Variants in PDE11A observed in about 807,000 individuals in gnomAD.
PDE11A encodes dual 3',5'-cyclic-AMP and -GMP phosphodiesterase 11A.
PDE11A carries 100 observed loss-of-function variants against 100.5 expected under a neutral mutation model. The observed-to-expected ratio is 1.00, with a 90% CI of 0.85 to 1.18. The LOEUF (loss-of-function observed/expected upper bound fraction) is 1.18, where lower values mean the gene tolerates loss of function less well. Ranked by LOEUF, PDE11A falls within the 50% of genes most tolerant of loss-of-function variation. The probability of loss-of-function intolerance (pLI) is 0.00; values close to 1 mark genes in which losing one functional copy is unlikely to be tolerated. For missense variants in PDE11A, 1,141 were observed against 1,152.6 expected (o/e 0.99, Z 0.15); for synonymous variants, 381 against 420.8 (o/e 0.91, Z 1.16).
intron 2 of PDE11A, among the ~76,000 whole-genome samples, chr2:177,915,170 C>A (rs746266136): frequency 3.3e-5 from 5 of 152,168 alleles, no homozygotes; most frequent in African/African-American, 7.2e-5. Flanking sequence ...ACATTTGTTA[C>A]AACTGATGAG....
intron 2 of PDE11A, among the ~76,000 whole-genome samples, chr2:177,908,675 G>A (rs556102924): frequency 1.3e-4 from 20 of 152,270 alleles, no homozygotes; most frequent in African/African-American, 3.6e-4. Context: ...CAGCTATAGC[G>A]TGGAAAATGA....
intron 19 of PDE11A, among the ~76,000 whole-genome samples, chr2:177,662,303 T>C (rs2080495666): frequency 6.6e-6 from 1 of 152,174 alleles, no homozygotes; most frequent in African/African-American, 2.4e-5. Flanking sequence ...AAAATAGCTT[T>C]GCAAACTAGT....
chr2:177,733,805 T>C (rs1044849099), intron 10 of PDE11A, among the ~76,000 whole-genome samples: 2 of 152,260 alleles, frequency 1.3e-5, no homozygotes, highest in African/African-American at 4.8e-5. Context: ...TGCCAGATAC[T>C]GTTTTAGTGT....
At chr2:177,754,297 T>C (rs2082062125) in intron 10 of PDE11A, among the ~76,000 whole-genome samples, 1 of 152,158 alleles carries the variant, frequency 6.6e-6, no homozygotes, top group Admixed American at 6.5e-5. Flanking sequence ...TCCCTGAGTC[T>C]ACATTCAGGC....
chr2:178,048,365 T>G (rs2086779753), intron 1 of PDE11A, among the ~76,000 whole-genome samples: 1 of 151,732 alleles, frequency 6.6e-6, no homozygotes, highest in African/African-American at 2.4e-5. Flanking sequence ...AAAGAAAGAG[T>G]TCTCTCAATG....
At position 177,629,365 on chromosome 2, in the gene PDE11A, T is replaced by C; in HGVS notation, c.*42A>G. On this transcript the variant is annotated 3_prime_UTR_variant, in exon 20 of 20. Coordinates refer to ENST00000286063, the MANE Select transcript of PDE11A (RefSeq NM_016953.4). Reference sequence around the variant, plus strand: ...GACATTGCTGGACTGAAAATGGCCCTTCAGGCTGTAGTCATTTTGCAGCTG... The same window carrying C: ...GACATTGCTGGACTGAAAATGGCCCCTCAGGCTGTAGTCATTTTGCAGCTG... 2 of 1,589,594 alleles carry C rather than the reference T, an allele frequency of 1.3e-6. No individual in the cohort carries two copies. Among genetic ancestry groups the C allele is most frequent in the Non-Finnish European group, 1.7e-6 (2 of 1,158,786 alleles).
Position 178,054,090 on chromosome 2 carries a change from G to A in PDE11A, c.912+17436C>T, listed in dbSNP as rs145454156. On this transcript the variant is annotated intron_variant, in intron 1 of 19. Coordinates refer to ENST00000286063, the MANE Select transcript of PDE11A (RefSeq NM_016953.4). ...CCAAAAGAACAAAGCTGGAGGCGTC[G>A]CGCTACTGTACTACAAGGCTACAGG... 9.6e-3 allele frequency among the ~76,000 whole-genome samples: 1,442 copies of A among 150,258 alleles called. 28 individuals carry two copies. The highest frequency in any genetic ancestry group is 0.034 in the African/African-American group (1,384 of 41,254).
chr2:177,823,878 T>C (rs2083185207), intron 6 of PDE11A, among the ~76,000 whole-genome samples: 1 of 152,134 alleles, frequency 6.6e-6, no homozygotes, highest in African/African-American at 2.4e-5. Context: ...CAATTGTCTC[T>C]GCCAACTCTG....
At chr2:177,675,836 G>T (rs2080765148) in intron 16 of PDE11A, 1 of 439,352 alleles carries the variant, frequency 2.3e-6, no homozygotes. Context: ...ATTTATAATG[G>T]ACAATGTTGT....
chr2:178,065,931 C>T (rs2087037262), intron 1 of PDE11A, among the ~76,000 whole-genome samples: 2 of 151,778 alleles, frequency 1.3e-5, no homozygotes, highest in Admixed American at 6.6e-5. Flanking sequence ...CAATGAAGTA[C>T]TAAATATTGT....
chr2:178,049,877 C>G (rs1161224829), intron 1 of PDE11A, among the ~76,000 whole-genome samples: 2 of 152,174 alleles, frequency 1.3e-5, no homozygotes, highest in African/African-American at 4.8e-5. Flanking sequence ...TAGAGCCCAC[C>G]GCAGCTCAAG....
At chr2:177,769,217 A>T (rs34543540) in intron 10 of PDE11A, 106 bp downstream of exon 10, 7 of 782,950 alleles carry the variant, frequency 8.9e-6, no homozygotes, top group Non-Finnish European at 1.4e-5. Flanking sequence ...CTAGTCCTCC[A>T]GCTCCCAATG....
rs1053349543 is a variant in PDE11A, at chr2:177,623,309, A to G, written c.*6098T>C. 5 of 152,250 alleles carry G rather than the reference A, an allele frequency of 3.3e-5. No individual in the cohort carries two copies. The highest frequency in any genetic ancestry group is 6.5e-5 in the Admixed American group (1 of 15,284). The allele number at this position is 152,250 out of a possible 1,614,324, so 9.4% of individuals were successfully genotyped here. ...TCAGGTCTCTTAAAGCGGGCTTCCA[A>G]AACTATGGATTAGTTGCTTGTGAAA... On this transcript the variant is annotated 3_prime_UTR_variant, in exon 20 of 20. Coordinates refer to ENST00000286063, the MANE Select transcript of PDE11A (RefSeq NM_016953.4).
intron 5 of PDE11A, among the ~76,000 whole-genome samples, chr2:177,859,972 A>C (rs1488420179): frequency 2.0e-5 from 3 of 151,912 alleles, no homozygotes; most frequent in Admixed American, 1.3e-4. Flanking sequence ...TTAGAAAGAA[A>C]TGTATGGCTA....
intron 2 of PDE11A, among the ~76,000 whole-genome samples, chr2:177,925,232 T>C (rs1034640021): frequency 6.6e-6 from 1 of 151,546 alleles, no homozygotes; most frequent in Non-Finnish European, 1.5e-5. Flanking sequence ...TATAGTCCTT[T>C]GGGTATATAC....
intron 10 of PDE11A, among the ~76,000 whole-genome samples, chr2:177,732,107 C>T (rs1171832390): frequency 6.6e-6 from 1 of 152,110 alleles, no homozygotes; most frequent in Admixed American, 6.5e-5. Flanking sequence ...GTCTGTAGGC[C>T]CTTTGTTTCT....
chr2:177,736,593 A>G (rs1185114894), intron 10 of PDE11A, among the ~76,000 whole-genome samples: 1 of 151,992 alleles, frequency 6.6e-6, no homozygotes, highest in East Asian at 1.9e-4. Context: ...ATGAGGAAAG[A>G]GAGGGAAGGA....
chr2:177,762,918 CGAG>C (rs1387665511), intron 10 of PDE11A, among the ~76,000 whole-genome samples: 1 of 152,266 alleles, frequency 6.6e-6, no homozygotes. Flanking sequence ...GGAGGGAAGA[CGAG>C]CCTGGGCTTG....
At chr2:177,965,330 T>C (rs2085685269) in intron 2 of PDE11A, among the ~76,000 whole-genome samples, 1 of 152,220 alleles carries the variant, frequency 6.6e-6, no homozygotes. Context: ...GTCTGTTTAC[T>C]CTGTTGATAG....
Sources: allele counts gnomAD v4.1 joint callset (sites outside exome capture counted in the v4.1 genomes callset), GRCh38; gene constraint gnomAD v4.1.1; transcripts MANE v1.5; gene names NCBI Gene and HGNC (gene_info 2026-07-23, HGNC 2026-07-21).